CCDC102B: variants seen among roughly 807,000 people sequenced by gnomAD.
CCDC102B encodes the protein coiled-coil domain containing 102B.
A neutral mutation model predicts 57.4 loss-of-function variants in CCDC102B; 75 were observed. That is an observed-to-expected ratio of 1.31 (90% CI 1.08 to 1.58). The LOEUF (loss-of-function observed/expected upper bound fraction) is 1.58, where lower values mean the gene tolerates loss of function less well. Ranked by LOEUF, CCDC102B falls within the 40% of genes most tolerant of loss-of-function variation. CCDC102B has a pLI of 0.00. For missense variants in CCDC102B, 636 were observed against 582.6 expected, an observed-to-expected ratio of 1.09 and a Z score of -0.94; for synonymous variants, 206 against 201.9, an observed-to-expected ratio of 1.02 and a Z score of -0.17.
At position 68,765,320 on chromosome 18, in the gene CCDC102B, G is replaced by GAAAGAAAGAAAA. The variant is rs1568238728; in HGVS notation, c.-67+48726_-67+48727insAAAGAAAGAAAA. On this transcript the variant is annotated intron_variant, in intron 2 of 3. Coordinates refer to the CCDC102B transcript ENST00000578970. ...AGGAAGGAAGGAAGGAAGGAAGGAA[G>GAAAGAAAGAAAA]GAAGGAAAGAAAGAAAGAAAGAAAG... 9.6e-4 allele frequency among the ~76,000 whole-genome samples: 39 copies of GAAAGAAAGAAAA among 40,642 alleles called. 2 individuals carry two copies. The highest frequency in any genetic ancestry group is 2.9e-3 in the African/African-American group (38 of 12,968). 26.7% of individuals were successfully genotyped at this position (40,642 alleles called of 152,430 possible).
At chr18:68,879,233 C>T (rs1009116840) in intron 5 of CCDC102B, among the ~76,000 whole-genome samples, 7 of 151,810 alleles carry the variant, frequency 4.6e-5, no homozygotes, top group African/African-American at 1.2e-4. Context: ...CTCTTGGTCT[C>T]GCTGGCTTCA....
At chr18:68,945,063 T>G (rs1167583211) in intron 6 of CCDC102B, among the ~76,000 whole-genome samples, 1 of 103,514 alleles carries the variant, frequency 9.7e-6, no homozygotes, top group Non-Finnish European at 2.0e-5. Context: ...TGTGTCTCTG[T>G]CTGTGTGTGT....
chr18:68,998,847 G>A (rs1231654776), intron 6 of CCDC102B, among the ~76,000 whole-genome samples: 1 of 151,876 alleles, frequency 6.6e-6, no homozygotes, highest in Non-Finnish European at 1.5e-5. Context: ...GCATCACCCA[G>A]TTCACTGACT....
At chr18:68,726,145 A>T (rs1250485878) in intron 2 of CCDC102B, among the ~76,000 whole-genome samples, 1 of 152,222 alleles carries the variant, frequency 6.6e-6, no homozygotes, top group Non-Finnish European at 1.5e-5. Flanking sequence ...CCATGGGGAT[A>T]TCTCCCTTAC....
intron 6 of CCDC102B, among the ~76,000 whole-genome samples, chr18:69,001,562 A>T (rs1247332661): frequency 6.6e-6 from 1 of 151,836 alleles, no homozygotes; most frequent in Admixed American, 6.6e-5. Context: ...CACATCAAAG[A>T]TTAAATACCA....
chr18:68,869,232 G>T (rs2039133738), intron 4 of CCDC102B, among the ~76,000 whole-genome samples: 1 of 152,186 alleles, frequency 6.6e-6, no homozygotes, highest in South Asian at 2.1e-4. Context: ...CTTAAGCCAT[G>T]ACAGTAGATG....
intron 2 of CCDC102B, among the ~76,000 whole-genome samples, chr18:68,745,361 T>G (rs1237915360): frequency 6.6e-6 from 1 of 152,084 alleles, no homozygotes. Context: ...AGGAAGCGTA[T>G]TCTCTCCTGC....
intron 6 of CCDC102B, among the ~76,000 whole-genome samples, chr18:68,973,568 CT>C (rs1362832375): frequency 1.3e-5 from 2 of 152,050 alleles, no homozygotes; most frequent in Non-Finnish European, 2.9e-5. Flanking sequence ...GGTGGGTACA[CT>C]TTTTCTTATA....
intron 4 of CCDC102B, among the ~76,000 whole-genome samples, chr18:68,867,565 C>T (rs774648402): frequency 6.6e-5 from 10 of 152,106 alleles, no homozygotes; most frequent in Admixed American, 2.0e-4. Flanking sequence ...ATGCCTTTAA[C>T]ACCTACACAG....
intron 4 of CCDC102B, among the ~76,000 whole-genome samples, chr18:68,870,875 G>A (rs1038810106): frequency 2.0e-5 from 3 of 151,976 alleles, no homozygotes; most frequent in African/African-American, 7.3e-5. Flanking sequence ...ATGACGATAG[G>A]GTGTGTTACT....
chr18:69,021,891 T>A (rs1444672173), intron 7 of CCDC102B, among the ~76,000 whole-genome samples: 1 of 152,108 alleles, frequency 6.6e-6, no homozygotes, highest in Non-Finnish European at 1.5e-5. Flanking sequence ...TTCTCCCCGG[T>A]GTGGATGATT....
At chr18:68,763,201 G>GTT (rs926212824) in intron 2 of CCDC102B, among the ~76,000 whole-genome samples, 2 of 151,894 alleles carry the variant, frequency 1.3e-5, no homozygotes, top group African/African-American at 4.8e-5. Flanking sequence ...GAGGATGCCT[G>GTT]TTTTTTTAAA....
At chr18:68,741,701 ACACACACACACACC>A (rs774979140) in intron 2 of CCDC102B, among the ~76,000 whole-genome samples, 195 of 117,688 alleles carry the variant, frequency 1.7e-3, no homozygotes, top group Admixed American at 3.9e-3. Context: ...ACACACACAC[ACACACACACACACC>A]CCAAGACAAT....
intron 1 of CCDC102B, among the ~76,000 whole-genome samples, chr18:68,825,986 G>T (rs1393852076): frequency 1.3e-5 from 2 of 152,266 alleles, no homozygotes; most frequent in South Asian, 2.1e-4. Flanking sequence ...TCTTCAGAGG[G>T]TTAATATATA....
At chr18:69,013,475 T>C (rs1418509320) in intron 7 of CCDC102B, among the ~76,000 whole-genome samples, 1 of 152,212 alleles carries the variant, frequency 6.6e-6, no homozygotes, top group Non-Finnish European at 1.5e-5. Context: ...TTCACCACTG[T>C]GCAATATATC....
rs2049875227 is a variant in CCDC102B, at chr18:68,956,451, ATTATATATT to A, written c.1264-54474_1264-54466del. Among the ~76,000 whole-genome samples the A allele has an allele frequency of 2.2e-4, 5 of 22,836 alleles. No individual in the cohort carries two copies. In the South Asian group the frequency reaches 6.2e-3, roughly 28 times the overall value. The allele number at this position is 22,836 out of a possible 152,430, so 15.0% of individuals were successfully genotyped here. A position where few individuals can be genotyped will look rare whatever the true frequency, so the allele number is the denominator to read the frequency against. On this transcript the variant is annotated intron_variant, in intron 6 of 7. Transcript: ENST00000360242. Reference sequence around the variant, plus strand: ...TATACATTTTATATATATTATATATATTATATATTTTATATATATATTATATATATATAA... The same window carrying A: ...TATACATTTTATATATATTATATATATTATATATATATTATATATATATAA...
At chr18:68,922,297 AT>A (rs2041309937) in intron 6 of CCDC102B, among the ~76,000 whole-genome samples, 1 of 152,172 alleles carries the variant, frequency 6.6e-6, no homozygotes. Context: ...ATTGCAACTC[AT>A]ACAAGAATTG....
chr18:68,928,733 C>A (rs936266501), intron 6 of CCDC102B, among the ~76,000 whole-genome samples: 2 of 151,766 alleles, frequency 1.3e-5, no homozygotes, highest in African/African-American at 4.8e-5. Flanking sequence ...ATAATCGTTA[C>A]GTTAGGTAGT....
chr18:68,939,837 G>C (rs552571846), intron 6 of CCDC102B, among the ~76,000 whole-genome samples: 26 of 151,814 alleles, frequency 1.7e-4, no homozygotes, highest in South Asian at 1.2e-3. Flanking sequence ...CTATTGTTAA[G>C]TGGCACTATT....
Sources: gnomAD v4.1 joint callset for allele counts (sites outside exome capture counted in the v4.1 genomes callset) on GRCh38, gnomAD v4.1.1 for gene constraint, MANE v1.5 for transcripts, NCBI Gene and HGNC (gene_info 2026-07-23, HGNC 2026-07-21) for gene names.